Variants in FRMPD4 observed in about 807,000 individuals in gnomAD.
FRMPD4 encodes FERM and PDZ domain-containing protein 4.
In FRMPD4, 22 loss-of-function variants were observed where a neutral mutation model predicts 94.1. The ratio of observed to expected loss-of-function variants is 0.23; its 90% CI spans 0.17 to 0.33. The LOEUF (loss-of-function observed/expected upper bound fraction) is 0.33. Ranked by LOEUF, FRMPD4 falls within the 10% of genes least tolerant of loss-of-function variation. The probability of loss-of-function intolerance (pLI) is 1.00; values close to 1 mark genes in which losing one functional copy is unlikely to be tolerated. For missense variants in FRMPD4, 1,111 were observed against 1,339.9 expected, an observed-to-expected ratio of 0.83 and a Z score of 2.67; for synonymous variants, 631 against 548.6, an observed-to-expected ratio of 1.15 and a Z score of -2.10.
At chrX:11,892,145 C>T (rs2053878148) in intron 3 of FRMPD4, among the ~76,000 whole-genome samples, 2 of 112,004 alleles carry the variant, frequency 1.8e-5, no homozygotes. Flanking sequence ...TTTTCAAGTG[C>T]TGTTTAGTTG....
Position 11,828,086 on chromosome X carries a change from T to C in FRMPD4, c.-161+5371T>C, listed in dbSNP as rs148134430. ...TAAAGAAGACATATGCCAACTGTGT[T>C]ATCCCCATTAAAATTGCCTTCCTGG... On this transcript the variant is annotated intron_variant, in intron 1 of 18. Coordinates refer to the FRMPD4 transcript ENST00000640291. Among the ~76,000 whole-genome samples, 448 of 112,136 alleles carry C rather than the reference T, an allele frequency of 4.0e-3. 4 individuals are homozygous for C. Among genetic ancestry groups the C allele is most frequent in the African/African-American group, 0.014 (434 of 30,900 alleles).
chrX:12,106,709 T>C (rs938449562), intron 3 of FRMPD4, among the ~76,000 whole-genome samples: 8 of 111,710 alleles, frequency 7.2e-5, no homozygotes, highest in Middle Eastern at 4.2e-3. Context: ...ACCCTAATAC[T>C]GCACTTTTCC....
intron 3 of FRMPD4, among the ~76,000 whole-genome samples, chrX:11,908,478 CT>C (rs1239578341): frequency 8.9e-6 from 1 of 112,260 alleles, no homozygotes; most frequent in Non-Finnish European, 1.9e-5. Flanking sequence ...ACTTTCATCC[CT>C]TTTGTTTCCT....
chrX:12,662,741 G>A (rs1262057482), intron 4 of FRMPD4, among the ~76,000 whole-genome samples: 1 of 111,977 alleles, frequency 8.9e-6, no homozygotes, highest in Non-Finnish European at 1.9e-5. Context: ...TGGGTCAAAT[G>A]GTATTTCTGG....
At chrX:12,697,064 A>C (rs2060140616) in intron 9 of FRMPD4, among the ~76,000 whole-genome samples, 2 of 112,583 alleles carry the variant, frequency 1.8e-5, no homozygotes, top group Admixed American at 1.9e-4. Flanking sequence ...GTTCATGAAG[A>C]TAACCCTACA....
intron 1 of FRMPD4, among the ~76,000 whole-genome samples, chrX:12,307,958 A>G (rs898236490): frequency 1.1e-4 from 12 of 111,290 alleles, no homozygotes; most frequent in African/African-American, 3.6e-4. Context: ...ATGTGTGGGT[A>G]TGTGTTTGCG....
chrX:11,986,463 A>G lies in FRMPD4; in HGVS notation c.95+108445A>G, dbSNP rs371667008. ...GAAATTTATAGCTATAAGTGCCTACATCAAAAAAGAAGAAAGACTTCAAAT... is the reference window on the plus strand; with the variant it reads ...GAAATTTATAGCTATAAGTGCCTACGTCAAAAAAGAAGAAAGACTTCAAAT... On this transcript the variant is annotated intron_variant, in intron 3 of 18. Coordinates refer to the FRMPD4 transcript ENST00000640291. Among the ~76,000 whole-genome samples the G allele has an allele frequency of 4.8e-4, 54 of 112,206 alleles. 2 individuals are homozygous for G. In the South Asian group the frequency reaches 0.02, roughly 41 times the overall value.
intron 2 of FRMPD4, among the ~76,000 whole-genome samples, chrX:12,568,483 A>G (rs1329577344): frequency 8.9e-6 from 1 of 112,221 alleles, no homozygotes; most frequent in Admixed American, 9.5e-5. Flanking sequence ...TTTCCATATC[A>G]ACACACAAAG....
At chrX:11,854,658 A>C (rs200661765) in intron 1 of FRMPD4, among the ~76,000 whole-genome samples, 1 of 112,577 alleles carries the variant, frequency 8.9e-6, no homozygotes, top group South Asian at 3.6e-4. Context: ...TAAAGTTCCA[A>C]AATGATCTCC....
At position 12,718,537 on chromosome X, in the gene FRMPD4, G is replaced by A. The variant is rs764946587; in HGVS notation, c.3711G>A (p.Ser1237=). Residue 1237 remains serine (S), a synonymous_variant, in exon 16 of 17, where the codon TCG becomes TCA. Coordinates refer to ENST00000675598, the MANE Select transcript of FRMPD4 (RefSeq NM_001368397.1). ...SGSACATPVE[S]PLCPSLGKHL... ...GTGCCTGTGCCACACCCGTGGAGTC[G>A]CCGCTCTGCCCCTCCCTGGGGAAGC... 1.2e-5 allele frequency: 14 copies of A among 1,199,932 alleles called. 1 individual carries two copies. The highest frequency in any genetic ancestry group is 1.1e-4 in the Admixed American group (5 of 45,875).
intron 1 of FRMPD4, among the ~76,000 whole-genome samples, chrX:12,158,477 A>G (rs900243976): frequency 1.8e-5 from 2 of 112,055 alleles, no homozygotes; most frequent in African/African-American, 6.5e-5. Flanking sequence ...CCACAAACTG[A>G]ATATATCTGT....
chrX:12,535,943 T>C (rs1481104492), intron 2 of FRMPD4, among the ~76,000 whole-genome samples: 1 of 110,272 alleles, frequency 9.1e-6, no homozygotes, highest in Non-Finnish European at 1.9e-5. Context: ...AAACATTAAA[T>C]AAATGTAGTC....
chrX:12,292,248 T>C (rs2054701571), intron 1 of FRMPD4, among the ~76,000 whole-genome samples: 1 of 112,241 alleles, frequency 8.9e-6, no homozygotes, highest in African/African-American at 3.2e-5. Flanking sequence ...ATTCTGATTA[T>C]AGATAGTATA....
In FRMPD4 at chrX:12,368,801, C is replaced by A. The variant is rs565139703; in HGVS notation, c.42-129879C>A. 5.4e-4 allele frequency among the ~76,000 whole-genome samples: 60 copies of A among 111,452 alleles called. No homozygotes were observed. In the Middle Eastern group the frequency reaches 0.014, roughly 26 times the overall value. On this transcript the variant is annotated intron_variant, in intron 1 of 16. Coordinates refer to ENST00000675598, the MANE Select transcript of FRMPD4 (RefSeq NM_001368397.1). The stretch of plus-strand genomic sequence containing the variant: ...GGCTGAGGCATGAGAATCGCTTGAA[C>A]CTGGGAGGTGGATGTTGCAGTGAGC...
At chrX:12,700,714 A>G (rs111971862) in intron 9 of FRMPD4, among the ~76,000 whole-genome samples, 1,628 of 112,521 alleles carry the variant, frequency 0.014, 29 homozygotes, top group African/African-American at 0.049. Flanking sequence ...CAAGGTACCA[A>G]TGTGCTGTGA....
At chrX:11,967,301 G>A (rs775429727) in intron 3 of FRMPD4, among the ~76,000 whole-genome samples, 3 of 111,167 alleles carry the variant, frequency 2.7e-5, no homozygotes, top group Admixed American at 1.9e-4. Flanking sequence ...ACTTCCTTCC[G>A]CTAATGATCT....
intron 3 of FRMPD4, among the ~76,000 whole-genome samples, chrX:12,027,159 A>C (rs1488513457): frequency 1.8e-5 from 2 of 112,125 alleles, no homozygotes. Flanking sequence ...CTTTTGACTT[A>C]TATCTGTTCA....
At chrX:11,885,801 C>T (rs1693517493) in intron 3 of FRMPD4, among the ~76,000 whole-genome samples, 1 of 110,939 alleles carries the variant, frequency 9.0e-6, no homozygotes, top group Admixed American at 9.6e-5. Flanking sequence ...GGAGAAAGGG[C>T]CCATCGCTTT....
intron 1 of FRMPD4, among the ~76,000 whole-genome samples, chrX:12,364,402 G>A (rs2056043137): frequency 9.0e-6 from 1 of 111,388 alleles, no homozygotes; most frequent in African/African-American, 3.3e-5. Context: ...AGGATGATCA[G>A]GCTTGGGAGT....
Sources: gnomAD v4.1 joint callset for allele counts (sites outside exome capture counted in the v4.1 genomes callset) on GRCh38, gnomAD v4.1.1 for gene constraint, MANE v1.5 for transcripts, NCBI Gene and HGNC (gene_info 2026-07-23, HGNC 2026-07-21) for gene names.